Variants in KHDRBS2 observed in about 807,000 individuals in gnomAD.
The protein encoded by KHDRBS2 is KH domain-containing, RNA-binding, signal transduction-associated protein 2.
Under a neutral mutation model 44.3 loss-of-function variants are expected in KHDRBS2, and 26 were observed. The observed-to-expected ratio is 0.59, with a 90% CI of 0.43 to 0.81. The LOEUF is 0.81. Ranked by LOEUF, KHDRBS2 falls within the 40% of genes least tolerant of loss-of-function variation. The pLI is 0.00. For synonymous variants in KHDRBS2, 194 were observed against 151.1 expected (o/e 1.28, Z -2.08); for missense variants, 476 against 433.1 (o/e 1.10, Z -0.88).
At position 62,194,480 on chromosome 6, in the gene KHDRBS2, C is replaced by CTTTTTTT. The variant is rs70996208; in HGVS notation, c.92-17175_92-17169dup. 1.4e-3 allele frequency among the ~76,000 whole-genome samples: 99 copies of CTTTTTTT among 69,758 alleles called. 12 individuals carry two copies. Among genetic ancestry groups the CTTTTTTT allele is most frequent in the Non-Finnish European group, 1.7e-3 (68 of 39,772 alleles). 45.8% of individuals were successfully genotyped at this position (69,758 alleles called of 152,430 possible). A position where few individuals can be genotyped will look rare whatever the true frequency, so the allele number is the denominator to read the frequency against. On this transcript the variant is annotated intron_variant, in intron 1 of 8. Coordinates refer to ENST00000281156, the MANE Select transcript of KHDRBS2 (RefSeq NM_152688.4). Reference sequence around the variant, plus strand: ...CACTTTCTTTTCTTTTCTTTTCTTCCTTTTTTTTTTTTTTTTTTTTTTTTT... The same window carrying CTTTTTTT: ...CACTTTCTTTTCTTTTCTTTTCTTCCTTTTTTTTTTTTTTTTTTTTTTTTTTTTTTTT...
At chr6:61,656,385 A>C in the KHDRBS2 span, among the ~76,000 whole-genome samples, 1 of 152,124 alleles carries the variant, frequency 6.6e-6, no homozygotes, top group East Asian at 1.9e-4. Context: ...ATAAGAAGAC[A>C]AAAGGACAGA....
At chr6:61,615,510 T>C in the KHDRBS2 span, among the ~76,000 whole-genome samples, 1 of 152,128 alleles carries the variant, frequency 6.6e-6, no homozygotes, top group Non-Finnish European at 1.5e-5. Context: ...GTGTTATTTC[T>C]TTTTTATACT....
chr6:62,071,400 C>A (rs1331189377), intron 2 of KHDRBS2, among the ~76,000 whole-genome samples: 2 of 152,198 alleles, frequency 1.3e-5, no homozygotes, highest in African/African-American at 2.4e-5. Context: ...GTGTCTTAGA[C>A]ATGAAATCCT....
chr6:62,123,200 C>A (rs1349720408), intron 2 of KHDRBS2, among the ~76,000 whole-genome samples: 1 of 149,766 alleles, frequency 6.7e-6, no homozygotes, highest in Non-Finnish European at 1.5e-5. Context: ...TTTCCAGCTT[C>A]ATTCACATCC....
intron 2 of KHDRBS2, among the ~76,000 whole-genome samples, chr6:62,061,994 G>A (rs188485207): frequency 3.3e-5 from 5 of 151,632 alleles, no homozygotes; most frequent in Admixed American, 2.0e-4. Flanking sequence ...CATTCTTCAC[G>A]TAGTTCTCGA....
Position 61,747,032 on chromosome 6 carries a change from G to GA in KHDRBS2, c.811-14269dup, listed in dbSNP as rs545053192. Among the ~76,000 whole-genome samples the GA allele has an allele frequency of 7.2e-4, 67 of 93,292 alleles. No homozygotes were observed. The South Asian group carries it at 0.017, about 24-fold the overall frequency. 61.2% of individuals were successfully genotyped at this position (93,292 alleles called of 152,430 possible). Reference sequence around the variant, plus strand: ...ACAAGGAACTTAAACAAATGTAAAAGAAAAAAAAAGAAAAAAAAAAACATC... The same window carrying GA: ...ACAAGGAACTTAAACAAATGTAAAAGAAAAAAAAAAGAAAAAAAAAAACATC... On this transcript the variant is annotated intron_variant, in intron 6 of 8. Coordinates refer to ENST00000281156, the MANE Select transcript of KHDRBS2 (RefSeq NM_152688.4).
chr6:62,176,568 T>C (rs1821139329), intron 2 of KHDRBS2, among the ~76,000 whole-genome samples: 1 of 151,266 alleles, frequency 6.6e-6, no homozygotes, highest in South Asian at 2.1e-4. Flanking sequence ...AATCCCTCTG[T>C]TTACCCATTG....
intron 4 of KHDRBS2, among the ~76,000 whole-genome samples, chr6:61,934,677 G>T (rs1277800565): frequency 4.6e-5 from 7 of 152,094 alleles, no homozygotes; most frequent in Non-Finnish European, 8.8e-5. Flanking sequence ...GAAACTAAAA[G>T]AAATAAACTT....
At chr6:62,095,525 T>C (rs573344681) in intron 2 of KHDRBS2, among the ~76,000 whole-genome samples, 1 of 151,988 alleles carries the variant, frequency 6.6e-6, no homozygotes, top group East Asian at 1.9e-4. Flanking sequence ...TCTACATATT[T>C]AGAAGACTAT....
intron 6 of KHDRBS2, among the ~76,000 whole-genome samples, chr6:61,805,284 C>T (rs1237519105): frequency 2.0e-5 from 3 of 152,118 alleles, no homozygotes; most frequent in African/African-American, 7.2e-5. Flanking sequence ...TTATTCCAGT[C>T]CCCAAGTTCC....
chr6:61,719,763 T>C (rs931927356), intron 7 of KHDRBS2, among the ~76,000 whole-genome samples: 1 of 151,790 alleles, frequency 6.6e-6, no homozygotes, highest in African/African-American at 2.4e-5. Context: ...CTATGGACTC[T>C]TTTTTTTAAA....
At chr6:62,028,065 A>G (rs1375016597) in intron 3 of KHDRBS2, among the ~76,000 whole-genome samples, 2 of 151,982 alleles carry the variant, frequency 1.3e-5, no homozygotes, top group East Asian at 3.9e-4. Flanking sequence ...TGTGGGATTG[A>G]GCCCTTAACC....
chr6:61,619,981 C>T, the KHDRBS2 span, among the ~76,000 whole-genome samples: 17 of 152,150 alleles, frequency 1.1e-4, no homozygotes, highest in East Asian at 2.3e-3. Flanking sequence ...TCTTTCATTT[C>T]GATTACTTGT....
chr6:61,717,968 G>C (rs567429800), intron 7 of KHDRBS2, among the ~76,000 whole-genome samples: 42 of 151,946 alleles, frequency 2.8e-4, no homozygotes, highest in Non-Finnish European at 5.3e-4. Context: ...TGGCAGATAT[G>C]GGTTCAAATC....
At chr6:61,883,480 T>A (rs2127319559) in intron 6 of KHDRBS2, among the ~76,000 whole-genome samples, 1 of 152,186 alleles carries the variant, frequency 6.6e-6, no homozygotes, top group African/African-American at 2.4e-5. Context: ...AAAGTACAGG[T>A]TTGGATATAA....
At chr6:61,990,814 A>G (rs1250316980) in intron 3 of KHDRBS2, among the ~76,000 whole-genome samples, 1 of 150,398 alleles carries the variant, frequency 6.6e-6, no homozygotes, top group Non-Finnish European at 1.5e-5. Context: ...GGTTCATGTG[A>G]TTCTCCTGCC....
At chr6:61,597,895 A>T in the KHDRBS2 span, among the ~76,000 whole-genome samples, 61 of 138,556 alleles carry the variant, frequency 4.4e-4, no homozygotes, top group Admixed American at 2.4e-3. Context: ...CTAAAGGAAA[A>T]CATAGAGGTT....
In KHDRBS2 at chr6:62,071,723, A is replaced by T. The variant is rs545506811; in HGVS notation, c.220-23729T>A. ...ATATCTCTGTTTTGGTACCAGTACC[A>T]TGCTGTTTTGGTTACTGTAGCCTTG... On this transcript the variant is annotated intron_variant, in intron 2 of 8. Coordinates refer to ENST00000281156, the MANE Select transcript of KHDRBS2 (RefSeq NM_152688.4). Among the ~76,000 whole-genome samples the T allele has an allele frequency of 7.8e-3, 1,192 of 152,308 alleles. 10 individuals are homozygous for T. Among genetic ancestry groups the T allele is most frequent in the Non-Finnish European group, 0.013 (904 of 68,020 alleles).
chr6:62,252,330 G>A lies in KHDRBS2; in HGVS notation c.91+33528C>T, dbSNP rs375655512. Among the ~76,000 whole-genome samples, 19 of 151,928 alleles carry A rather than the reference G, an allele frequency of 1.3e-4. No individual in the cohort carries two copies. The East Asian group carries it at 3.1e-3, about 25-fold the overall frequency. ...TATCACTGCTGGTCTTCATTCATCC[G>A]TTAAGATCAATTTTATCTTACCTAT... On this transcript the variant is annotated intron_variant, in intron 1 of 8. Coordinates refer to ENST00000281156, the MANE Select transcript of KHDRBS2 (RefSeq NM_152688.4).
Sources: allele counts gnomAD v4.1 joint callset (sites outside exome capture counted in the v4.1 genomes callset), GRCh38; gene constraint gnomAD v4.1.1; transcripts MANE v1.5; gene names NCBI Gene and HGNC (gene_info 2026-07-23, HGNC 2026-07-21).